The following OSBPL8 variants were observed in gnomAD, a reference collection of about 807,000 sequenced individuals.
The protein encoded by OSBPL8 is oxysterol binding protein like 8, also known as oxysterol-binding protein-related protein 8.
In OSBPL8, 59 loss-of-function variants were observed where a neutral mutation model predicts 125.5. The ratio of observed to expected loss-of-function variants is 0.47; its 90% CI spans 0.38 to 0.58. OSBPL8 has a LOEUF of 0.58. Among genes scored for constraint, OSBPL8 ranks in the 20% least tolerant of loss-of-function variants. The probability of loss-of-function intolerance (pLI) is 0.00; values close to 1 mark genes in which losing one functional copy is unlikely to be tolerated. For synonymous variants in OSBPL8, 330 were observed against 338.9 expected, an observed-to-expected ratio of 0.97 and a Z score of 0.29; for missense variants, 758 against 1,047.8, an observed-to-expected ratio of 0.72 and a Z score of 3.82.
intron 5 of OSBPL8, among the ~76,000 whole-genome samples, chr12:76,408,784 G>T (rs534606191): frequency 6.6e-6 from 1 of 152,168 alleles, no homozygotes; most frequent in South Asian, 2.1e-4. Context: ...AAGCTTGTGG[G>T]TTCCTCCCCG....
intron 1 of OSBPL8, among the ~76,000 whole-genome samples, chr12:76,492,656 G>C (rs976506498): frequency 4.6e-5 from 7 of 152,192 alleles, no homozygotes; most frequent in Non-Finnish European, 1.0e-4. Context: ...GAAGAATCTA[G>C]GTTATCTGCT....
chr12:76,381,098 G>C (rs1005604306), intron 15 of OSBPL8, among the ~76,000 whole-genome samples: 1 of 151,882 alleles, frequency 6.6e-6, no homozygotes, highest in Non-Finnish European at 1.5e-5. Context: ...TTAATATACT[G>C]ATCATGATAC....
At chr12:76,518,678 G>A (rs994662537) in intron 1 of OSBPL8, among the ~76,000 whole-genome samples, 1 of 152,206 alleles carries the variant, frequency 6.6e-6, no homozygotes, top group Non-Finnish European at 1.5e-5. Flanking sequence ...AAGCTGCCAA[G>A]CCTCCTTTAT....
intron 2 of OSBPL8, among the ~76,000 whole-genome samples, chr12:76,483,596 G>A (rs1354264779): frequency 3.5e-5 from 5 of 143,062 alleles, no homozygotes; most frequent in African/African-American, 1.3e-4. Context: ...GTTCAAGAAG[G>A]AAAGCAAATG....
intron 4 of OSBPL8, among the ~76,000 whole-genome samples, chr12:76,438,920 C>T (rs2136643389): frequency 6.6e-6 from 1 of 152,238 alleles, no homozygotes; most frequent in South Asian, 2.1e-4. Context: ...TAATTTTTTT[C>T]TCTTGCAATG....
At chr12:76,501,493 C>T (rs1194443766) in intron 1 of OSBPL8, among the ~76,000 whole-genome samples, 1 of 152,098 alleles carries the variant, frequency 6.6e-6, no homozygotes, top group Non-Finnish European at 1.5e-5. Flanking sequence ...ATTTGTGTCC[C>T]ATGTGAATGC....
intron 4 of OSBPL8, among the ~76,000 whole-genome samples, chr12:76,447,534 T>C (rs1197847465): frequency 6.6e-6 from 1 of 152,044 alleles, no homozygotes; most frequent in Non-Finnish European, 1.5e-5. Flanking sequence ...TACAGGACAC[T>C]GGCCTAGATC....
chr12:76,546,567 T>C (rs1950788710), intron 1 of OSBPL8, among the ~76,000 whole-genome samples: 1 of 152,108 alleles, frequency 6.6e-6, no homozygotes, highest in Non-Finnish European at 1.5e-5. Flanking sequence ...GTGTACAATC[T>C]GATGTTTGAA....
intron 2 of OSBPL8, among the ~76,000 whole-genome samples, chr12:76,464,194 A>C (rs527774482): frequency 6.6e-6 from 1 of 152,270 alleles, no homozygotes; most frequent in African/African-American, 2.4e-5. Context: ...GCTTGAGCCC[A>C]GGAGTTCAAG....
At chr12:76,458,776 TTAGAGA>T (rs750293870) in intron 3 of OSBPL8, among the ~76,000 whole-genome samples, 1 of 152,132 alleles carries the variant, frequency 6.6e-6, no homozygotes, top group East Asian at 1.9e-4. Context: ...CTATAACCAG[TTAGAGA>T]TAAACAGCAA....
At chr12:76,444,706 C>T (rs570423623) in intron 4 of OSBPL8, among the ~76,000 whole-genome samples, 4 of 152,306 alleles carry the variant, frequency 2.6e-5, no homozygotes, top group South Asian at 2.1e-4. Context: ...GAAGTTGCTA[C>T]ATCAGACACA....
intron 23 of OSBPL8, 69 bp from the exon 24 acceptor site, chr12:76,356,090 G>T: frequency 2.7e-6 from 3 of 1,128,910 alleles, no homozygotes; most frequent in East Asian, 5.3e-5. Flanking sequence ...CCCACAATTT[G>T]ATATTAAACA....
intron 1 of OSBPL8, among the ~76,000 whole-genome samples, chr12:76,504,026 C>T (rs1880169139): frequency 6.8e-6 from 1 of 148,048 alleles, no homozygotes; most frequent in South Asian, 2.1e-4. Context: ...GATCAGTAGA[C>T]TTTGAGTAAA....
At chr12:76,356,568 C>T (rs1044573623) in intron 23 of OSBPL8, 58 bp downstream of exon 23, 1 of 1,072,714 alleles carries the variant, frequency 9.3e-7, no homozygotes. Flanking sequence ...TCCCATATAA[C>T]AGGATTCTTA....
chr12:76,450,753 G>GA (rs560938889), intron 4 of OSBPL8, 98 bp downstream of exon 4: 114 of 1,271,528 alleles, frequency 9.0e-5, no homozygotes, highest in African/African-American at 1.4e-4. Flanking sequence ...TAGTTAAAAA[G>GA]AAAAAAAATA....
chr12:76,449,584 T>G (rs1873130216), intron 4 of OSBPL8, among the ~76,000 whole-genome samples: 1 of 152,226 alleles, frequency 6.6e-6, no homozygotes. Context: ...CACAGAAGAA[T>G]GACAGTTTCA....
chr12:76,526,289 TATTGATATATATATCACA>T (rs1264095019), intron 1 of OSBPL8, among the ~76,000 whole-genome samples: 4 of 152,232 alleles, frequency 2.6e-5, no homozygotes, highest in Non-Finnish European at 5.9e-5. Context: ...GGGTTCTATT[TATTGATATATATATCACA>T]AAAGTATTAA....
chr12:76,487,361 T>C, intron 2 of OSBPL8, 149 bp downstream of exon 2: 1 of 582,642 alleles, frequency 1.7e-6, no homozygotes, highest in East Asian at 3.4e-5. Context: ...TCATTTAAAG[T>C]ATCTGTAATT....
chr12:76,487,122 C>A (rs1193998036), intron 2 of OSBPL8, among the ~76,000 whole-genome samples: 1 of 150,922 alleles, frequency 6.6e-6, no homozygotes, highest in Non-Finnish European at 1.5e-5. Flanking sequence ...CTCCACCTCC[C>A]AAGTTCAAGC....
Sources: gnomAD v4.1 joint callset for allele counts (sites outside exome capture counted in the v4.1 genomes callset) on GRCh38, gnomAD v4.1.1 for gene constraint, MANE v1.5 for transcripts, NCBI Gene and HGNC (gene_info 2026-07-23, HGNC 2026-07-21) for gene names.